MCC: variants seen among roughly 807,000 people sequenced by gnomAD.
MCC encodes colorectal mutant cancer protein.
A neutral mutation model predicts 116.2 loss-of-function variants in MCC; 90 were observed. The observed-to-expected ratio is 0.77, with a 90% CI of 0.65 to 0.92. The LOEUF is 0.92. MCC is among the 40% of genes least tolerant of loss of function. The pLI is 0.00. For synonymous variants in MCC, 578 were observed against 510.5 expected, an observed-to-expected ratio of 1.13 and a Z score of -1.78; for missense variants, 1,516 against 1,312.2, an observed-to-expected ratio of 1.16 and a Z score of -2.40.
intron 3 of MCC, among the ~76,000 whole-genome samples, chr5:113,279,040 G>T (rs1018274508): frequency 6.6e-6 from 1 of 152,200 alleles, no homozygotes; most frequent in African/African-American, 2.4e-5. Context: ...AAAGGGAAAA[G>T]CCCATGAGTC....
intron 8 of MCC, among the ~76,000 whole-genome samples, chr5:113,095,813 T>C (rs1423365207): frequency 6.6e-6 from 1 of 152,164 alleles, no homozygotes; most frequent in Non-Finnish European, 1.5e-5. Flanking sequence ...GGGGGGTGTC[T>C]AGTCTGAGAG....
At chr5:113,375,826 A>AC (rs202060381) in intron 2 of MCC, among the ~76,000 whole-genome samples, 1 of 85,122 alleles carries the variant, frequency 1.2e-5, no homozygotes, top group Non-Finnish European at 2.1e-5. Context: ...GTGACATTTT[A>AC]TTTTCAAAGC....
intron 17 of MCC, among the ~76,000 whole-genome samples, chr5:113,039,911 C>T (rs1751583789): frequency 6.6e-6 from 1 of 152,086 alleles, no homozygotes; most frequent in South Asian, 2.1e-4. Context: ...TTTTATAGAT[C>T]ACTTACTTGG....
At chr5:113,399,230 A>T (rs1430911688) in intron 1 of MCC, among the ~76,000 whole-genome samples, 1 of 152,238 alleles carries the variant, frequency 6.6e-6, no homozygotes, top group African/African-American at 2.4e-5. Context: ...TCACGCCTGT[A>T]ATCCCAGCAC....
In MCC at chr5:113,071,149, G is replaced by C. The variant is rs754893390; in HGVS notation, c.1870C>G (p.Leu624Val). Residue 624 changes from leucine (L) to valine (V), a missense_variant, in exon 12 of 19, where the codon CTG (leucine) becomes GTG (valine). Coordinates refer to ENST00000408903, the MANE Select transcript of MCC (RefSeq NM_001085377.2). The part of the protein sequence containing the change: ...CKSNAERMSM[L>V]VGKYESNATA... ...GCATTGGATTCGTATTTTCCCACCA[G>C]CATGCTCATCCTCTCGGCATTGCTT... The C allele has an allele frequency of 2.5e-6, 4 of 1,614,154 alleles. No homozygotes were observed. The highest frequency in any genetic ancestry group is 2.5e-6 in the Non-Finnish European group (3 of 1,180,024).
At chr5:113,114,003 TAGG>T (rs1757252562) in intron 6 of MCC, among the ~76,000 whole-genome samples, 1 of 152,004 alleles carries the variant, frequency 6.6e-6, no homozygotes, top group Non-Finnish European at 1.5e-5. Context: ...GTGTTTATTA[TAGG>T]AGAAGGTTCC....
At chr5:113,464,070 C>A (rs1367127574) in intron 1 of MCC, among the ~76,000 whole-genome samples, 1 of 151,514 alleles carries the variant, frequency 6.6e-6, no homozygotes, top group Non-Finnish European at 1.5e-5. Context: ...GGAAAACACC[C>A]TTTTTATTTA....
At chr5:113,345,367 G>C (rs992303710) in intron 2 of MCC, among the ~76,000 whole-genome samples, 1 of 152,184 alleles carries the variant, frequency 6.6e-6, no homozygotes, top group Admixed American at 6.5e-5. Flanking sequence ...CATAATCCTG[G>C]CTGGTTTCCC....
rs138358717 is a variant in MCC, at chr5:113,061,701, C to T, written c.2213+2283G>A. 2.4e-3 allele frequency among the ~76,000 whole-genome samples: 368 copies of T among 152,276 alleles called. 5 individuals carry two copies. The highest frequency in any genetic ancestry group is 7.6e-3 in the African/African-American group (317 of 41,546). On this transcript the variant is annotated intron_variant, in intron 14 of 18. Transcript: ENST00000408903. Reference sequence around the variant, plus strand: ...GCTGCCTATGGGCTGCCAGAAATGCCGCTGGAGGCACAATACTCAGCGTTT... The same window carrying T: ...GCTGCCTATGGGCTGCCAGAAATGCTGCTGGAGGCACAATACTCAGCGTTT...
At chr5:113,145,372 T>C (rs1042461405) in intron 4 of MCC, among the ~76,000 whole-genome samples, 30 of 152,204 alleles carry the variant, frequency 2.0e-4, no homozygotes, top group African/African-American at 7.2e-4. Flanking sequence ...TCCTCCTCTT[T>C]TGTTTTCCAT....
intron 3 of MCC, among the ~76,000 whole-genome samples, chr5:113,157,404 TCA>T (rs1301214005): frequency 1.3e-5 from 2 of 152,208 alleles, no homozygotes; most frequent in Non-Finnish European, 2.9e-5. Flanking sequence ...TTGTGGGACT[TCA>T]GTCTGTGCTT....
At chr5:113,217,302 T>C (rs1763360380) in intron 3 of MCC, among the ~76,000 whole-genome samples, 1 of 152,224 alleles carries the variant, frequency 6.6e-6, no homozygotes, top group African/African-American at 2.4e-5. Flanking sequence ...AAATTGTCTT[T>C]TCCTGATAGA....
rs575503695 is a variant in MCC, at chr5:113,079,853, C to T, written c.1784+3007G>A. On this transcript the variant is annotated intron_variant, in intron 11 of 18. Coordinates refer to ENST00000408903, the MANE Select transcript of MCC (RefSeq NM_001085377.2). ...GCTTCTGCACAGCAAAAGAAACTGC[C>T]ATCAGAGTGAACAGGCAACCTACAG... Among the ~76,000 whole-genome samples the T allele has an allele frequency of 1.8e-4, 27 of 152,298 alleles. No homozygotes were observed. The East Asian group carries it at 4.6e-3, about 26-fold the overall frequency.
chr5:113,443,864 C>T (rs755181826), intron 1 of MCC, among the ~76,000 whole-genome samples: 3 of 152,062 alleles, frequency 2.0e-5, no homozygotes, highest in Admixed American at 6.6e-5. Flanking sequence ...TGCTTTTTCA[C>T]CCAGGCTGGA....
intron 1 of MCC, among the ~76,000 whole-genome samples, chr5:113,471,971 G>T (rs1772105298): frequency 6.6e-6 from 1 of 152,102 alleles, no homozygotes; most frequent in Admixed American, 6.5e-5. Flanking sequence ...CCAGGTGAGG[G>T]ATATAATCTC....
intron 3 of MCC, among the ~76,000 whole-genome samples, chr5:113,339,585 C>G (rs1767960918): frequency 6.6e-6 from 1 of 152,024 alleles, no homozygotes; most frequent in Non-Finnish European, 1.5e-5. Context: ...TTTTGATAAC[C>G]TTGACAGTTT....
chr5:113,447,926 G>C (rs1771269346), intron 1 of MCC, among the ~76,000 whole-genome samples: 2 of 152,162 alleles, frequency 1.3e-5, no homozygotes, highest in African/African-American at 2.4e-5. Context: ...CAGCAAAATA[G>C]CTGTGGCTTT....
intron 1 of MCC, among the ~76,000 whole-genome samples, chr5:113,457,592 A>C (rs1771609719): frequency 6.6e-6 from 1 of 152,106 alleles, no homozygotes; most frequent in East Asian, 1.9e-4. Context: ...CCACTGGGTG[A>C]AGCCAGCTGG....
intron 5 of MCC, among the ~76,000 whole-genome samples, chr5:113,126,139 G>A (rs537229618): frequency 7.2e-5 from 11 of 152,280 alleles, no homozygotes; most frequent in South Asian, 2.1e-4. Context: ...AAGCATCTGC[G>A]AAGTGCTTCC....
Sources: allele counts gnomAD v4.1 joint callset (sites outside exome capture counted in the v4.1 genomes callset), GRCh38; gene constraint gnomAD v4.1.1; transcripts MANE v1.5; gene names NCBI Gene and HGNC (gene_info 2026-07-23, HGNC 2026-07-21).